The following ITGA8 variants were observed in gnomAD, a reference collection of about 807,000 sequenced individuals.
ITGA8 encodes integrin subunit alpha 8.
Under a neutral mutation model 142.3 loss-of-function variants are expected in ITGA8, and 91 were observed. That is an observed-to-expected ratio of 0.64 (90% CI 0.54 to 0.76). ITGA8 has a LOEUF of 0.76. Among genes scored for constraint, ITGA8 ranks in the 30% least tolerant of loss-of-function variants. ITGA8 has a pLI of 0.00. For synonymous variants in ITGA8, 505 were observed against 485.2 expected (o/e 1.04, Z -0.54); for missense variants, 1,406 against 1,327.7 (o/e 1.06, Z -0.92).
intron 22 of ITGA8, among the ~76,000 whole-genome samples, chr10:15,588,545 T>G (rs542541091): frequency 2.0e-4 from 31 of 152,344 alleles, no homozygotes; most frequent in African/African-American, 7.0e-4. Flanking sequence ...GACTTTATGG[T>G]TCCAAATATA....
chr10:15,701,188 T>C (rs1835157337), intron 2 of ITGA8, among the ~76,000 whole-genome samples: 1 of 152,190 alleles, frequency 6.6e-6, no homozygotes, highest in African/African-American at 2.4e-5. Context: ...GTGATTGTGA[T>C]TGTGCTTGTG....
chr10:15,674,794 G>A (rs534192167), intron 6 of ITGA8, among the ~76,000 whole-genome samples: 1 of 152,170 alleles, frequency 6.6e-6, no homozygotes, highest in African/African-American at 2.4e-5. Flanking sequence ...ACAAAAATTA[G>A]CCAGGTGTGG....
chr10:15,579,090 C>T (rs955454933), intron 23 of ITGA8, among the ~76,000 whole-genome samples: 17 of 152,026 alleles, frequency 1.1e-4, no homozygotes, highest in South Asian at 6.2e-4. Context: ...TTCCGGGAGA[C>T]GGAACATGGA....
At chr10:15,632,715 G>T (rs950708155) in intron 13 of ITGA8, among the ~76,000 whole-genome samples, 1 of 152,028 alleles carries the variant, frequency 6.6e-6, no homozygotes, top group Admixed American at 6.5e-5. Flanking sequence ...TTGGTAAGTG[G>T]TACAAATCTG....
At chr10:15,599,869 T>C (rs1588667220) in intron 20 of ITGA8, among the ~76,000 whole-genome samples, 1 of 151,992 alleles carries the variant, frequency 6.6e-6, no homozygotes. Flanking sequence ...TGCAGTGAGC[T>C]GAGATCGCGC....
chr10:15,651,577 C>A (rs1834086308), intron 11 of ITGA8, among the ~76,000 whole-genome samples: 2 of 150,878 alleles, frequency 1.3e-5, no homozygotes, highest in African/African-American at 2.4e-5. Context: ...CTTTTAGGGA[C>A]CTTGTTTTTG....
intron 26 of ITGA8, among the ~76,000 whole-genome samples, chr10:15,550,986 T>C (rs962436414): frequency 6.6e-6 from 1 of 151,734 alleles, no homozygotes; most frequent in African/African-American, 2.4e-5. Context: ...GGAAATAGAA[T>C]AGAGACATGA....
rs1187726119 is a variant in ITGA8 at position 15,655,241 on chromosome 10, A to C, written c.1001+113T>G. On this transcript the variant is annotated intron_variant, in intron 11 of 29. Coordinates refer to ENST00000378076, the MANE Select transcript of ITGA8 (RefSeq NM_003638.3). ...TTGAACCAAAAAAGTTGAGAACAAG[A>C]GAGCCTCTATCTTGTTGAGGCAATA... is the stretch of plus-strand genomic sequence containing the variant. 14 of 642,806 alleles carry C rather than the reference A, an allele frequency of 2.2e-5. No homozygotes were observed. In the East Asian group the frequency reaches 3.3e-4, roughly 15 times the overall value. 39.8% of individuals were successfully genotyped at this position (642,806 alleles called of 1,614,324 possible). A position where few individuals can be genotyped will look rare whatever the true frequency, so the allele number is the denominator to read the frequency against.
intron 2 of ITGA8, among the ~76,000 whole-genome samples, chr10:15,716,715 G>T (rs911361199): frequency 2.1e-5 from 3 of 140,104 alleles, no homozygotes; most frequent in Non-Finnish European, 4.5e-5. Context: ...TTGTTGCCCA[G>T]GCTGGAGTGC....
At chr10:15,565,162 C>T (rs1834055589) in intron 25 of ITGA8, among the ~76,000 whole-genome samples, 1 of 152,186 alleles carries the variant, frequency 6.6e-6, no homozygotes. Context: ...TTCAGGCACT[C>T]TTAAAAAGGC....
intron 26 of ITGA8, among the ~76,000 whole-genome samples, chr10:15,550,058 A>G (rs2131559473): frequency 6.6e-6 from 1 of 152,252 alleles, no homozygotes; most frequent in Admixed American, 6.5e-5. Flanking sequence ...GTGAGGGATA[A>G]CTGGATCATG....
At chr10:15,553,275 T>A (rs1200159607) in intron 26 of ITGA8, among the ~76,000 whole-genome samples, 1 of 150,420 alleles carries the variant, frequency 6.6e-6, no homozygotes, top group Non-Finnish European at 1.5e-5. Context: ...AAAAATTTAC[T>A]TGAATTACAA....
chr10:15,533,096 A>G (rs1361877860), intron 27 of ITGA8, among the ~76,000 whole-genome samples: 2 of 152,306 alleles, frequency 1.3e-5, no homozygotes, highest in South Asian at 2.1e-4. Context: ...ATCACTGTCT[A>G]TAATCCAATG....
chr10:15,557,419 A>C (rs1833905675), intron 26 of ITGA8, among the ~76,000 whole-genome samples: 2 of 152,158 alleles, frequency 1.3e-5, no homozygotes, highest in South Asian at 2.1e-4. Flanking sequence ...AACACTGAAG[A>C]TAGTATTGCT....
intron 21 of ITGA8, among the ~76,000 whole-genome samples, chr10:15,595,963 A>G (rs1201180515): frequency 2.0e-5 from 3 of 152,186 alleles, no homozygotes; most frequent in African/African-American, 7.2e-5. Context: ...GAGCAGGAGA[A>G]TCACTTGAAC....
At chr10:15,664,411 C>G (rs1347363068) in intron 8 of ITGA8, among the ~76,000 whole-genome samples, 2 of 152,052 alleles carry the variant, frequency 1.3e-5, no homozygotes, top group African/African-American at 4.8e-5. Flanking sequence ...ACCTGAACTG[C>G]AAAACTTTAT....
intron 10 of ITGA8, among the ~76,000 whole-genome samples, chr10:15,656,784 T>C (rs1344868908): frequency 6.6e-6 from 1 of 152,198 alleles, no homozygotes; most frequent in East Asian, 1.9e-4. Context: ...TTTGCTTCCA[T>C]AGTGTGCCAT....
chr10:15,620,491 T>C (rs1252971220), intron 13 of ITGA8, among the ~76,000 whole-genome samples: 2 of 152,188 alleles, frequency 1.3e-5, no homozygotes, highest in Non-Finnish European at 2.9e-5. Flanking sequence ...TTTTCTACTC[T>C]GGAAAAATAA....
intron 4 of ITGA8, among the ~76,000 whole-genome samples, chr10:15,680,727 T>C (rs965556652): frequency 2.6e-5 from 4 of 152,120 alleles, no homozygotes; most frequent in African/African-American, 9.7e-5. Flanking sequence ...TCTTTGAAAG[T>C]ATTGCTTTAA....
Sources: gnomAD v4.1 joint callset for allele counts (sites outside exome capture counted in the v4.1 genomes callset) on GRCh38, gnomAD v4.1.1 for gene constraint, MANE v1.5 for transcripts, NCBI Gene and HGNC (gene_info 2026-07-23, HGNC 2026-07-21) for gene names.